Variants in SEPTIN9 observed in about 807,000 individuals in gnomAD.
SEPTIN9 encodes the protein septin 9.
A neutral mutation model predicts 56.6 loss-of-function variants in SEPTIN9; 13 were observed. That is an observed-to-expected ratio of 0.23 (90% CI 0.15 to 0.37). The LOEUF is 0.37. SEPTIN9 is among the 10% of genes least tolerant of loss of function. The probability of loss-of-function intolerance (pLI) is 1.00; values close to 1 mark genes in which losing one functional copy is unlikely to be tolerated. For synonymous variants in SEPTIN9, 332 were observed against 334.1 expected (o/e 0.99, Z 0.07); for missense variants, 650 against 823.1 (o/e 0.79, Z 2.57).
chr17:77,379,333 G>A (rs552195318), intron 2 of SEPTIN9, among the ~76,000 whole-genome samples: 1 of 151,872 alleles, frequency 6.6e-6, no homozygotes, highest in Admixed American at 6.6e-5. Context: ...TCACCACGGT[G>A]CCCGGTACAC....
chr17:77,375,974 A>G (rs536037285), intron 2 of SEPTIN9: 250 of 391,094 alleles, frequency 6.4e-4, no homozygotes, highest in African/African-American at 4.9e-3. Flanking sequence ...GGAAGGGATG[A>G]TTGAAGGAGG....
In SEPTIN9 at chr17:77,499,521, T is replaced by C. The variant is rs779610237; in HGVS notation, c.*863T>C. 25 of 466,476 alleles carry C rather than the reference T, an allele frequency of 5.4e-5. No homozygotes were observed. Among genetic ancestry groups the C allele is most frequent in the Non-Finnish European group, 3.3e-5 (8 of 240,850 alleles). The allele number at this position is 466,476 out of a possible 1,614,324, so 28.9% of individuals were successfully genotyped here. A position where few individuals can be genotyped will look rare whatever the true frequency, so the allele number is the denominator to read the frequency against. On this transcript the variant is annotated 3_prime_UTR_variant, in exon 12 of 12. Coordinates refer to ENST00000427177, the MANE Select transcript of SEPTIN9 (RefSeq NM_001113491.2). ...AAGCAAGTGAGTCTGGTGGAGGAGC[T>C]GAGGGAGGGAGCCATGGAAGGTGCC...
chr17:77,355,276 C>T (rs2034192176), intron 2 of SEPTIN9, among the ~76,000 whole-genome samples: 2 of 152,156 alleles, frequency 1.3e-5, no homozygotes, highest in South Asian at 4.1e-4. Context: ...ATGGTGTCTG[C>T]GCCGCAGCAG....
At chr17:77,417,118 T>G (rs964570756) in intron 3 of SEPTIN9, among the ~76,000 whole-genome samples, 4 of 152,182 alleles carry the variant, frequency 2.6e-5, no homozygotes, top group Admixed American at 6.5e-5. Context: ...GTCCTCAGTT[T>G]CCCCATTTAT....
intron 4 of SEPTIN9, among the ~76,000 whole-genome samples, chr17:77,486,140 G>A (rs925720669): frequency 6.6e-6 from 1 of 150,622 alleles, no homozygotes; most frequent in Admixed American, 6.6e-5. Context: ...TAAAAGACAG[G>A]GTCTCTGTCA....
intron 2 of SEPTIN9, among the ~76,000 whole-genome samples, chr17:77,324,335 TC>T (rs1567993964): frequency 6.6e-6 from 1 of 152,212 alleles, no homozygotes; most frequent in Non-Finnish European, 1.5e-5. Context: ...CCCCCTGTTG[TC>T]CCCGTGTGTC....
intron 3 of SEPTIN9, among the ~76,000 whole-genome samples, chr17:77,412,892 CTGTT>C (rs2036353966): frequency 6.6e-6 from 1 of 152,122 alleles, no homozygotes; most frequent in Non-Finnish European, 1.5e-5. Flanking sequence ...AATTCACATC[CTGTT>C]TAGAGGTCTC....
Position 77,487,882 on chromosome 17 carries a change from C to T in SEPTIN9, c.1042+330C>T, listed in dbSNP as rs547293633. 6.8e-4 allele frequency among the ~76,000 whole-genome samples: 103 copies of T among 152,282 alleles called. 2 individuals carry two copies. The highest frequency in any genetic ancestry group is 3.4e-3 in the Middle Eastern group (1 of 294). On this transcript the variant is annotated intron_variant, in intron 5 of 11. Transcript: ENST00000427177. This position sits in a 1 kb window ranked among gnomAD's most constrained non-coding sequence, Gnocchi z 4.3. Reference sequence around the variant, plus strand: ...AGCACTGGTGCGGTGTGAGGGTGCCCGAGTCAGGCAATCCCAGGTCCCCAA... The same window carrying T: ...AGCACTGGTGCGGTGTGAGGGTGCCTGAGTCAGGCAATCCCAGGTCCCCAA...
chr17:77,282,199 C>T (rs879456749), intron 1 of SEPTIN9, among the ~76,000 whole-genome samples: 1 of 152,238 alleles, frequency 6.6e-6, no homozygotes, highest in Admixed American at 6.5e-5. Flanking sequence ...ATAAGAGGCT[C>T]CCGCTCTGGC....
Position 77,326,358 on chromosome 17 carries a change from G to A in SEPTIN9, c.76+19161G>A, listed in dbSNP as rs1392685751. 1.3e-5 allele frequency among the ~76,000 whole-genome samples: 2 copies of A among 152,104 alleles called. No homozygotes were observed. The highest frequency in any genetic ancestry group is 2.9e-5 in the Non-Finnish European group (2 of 68,038). ...AAACGTGAAACACAGGAAGTGACAG[G>A]TGTGACAAAGGGGACCAGTGGCAGG... On this transcript the variant is annotated intron_variant, in intron 2 of 11. Coordinates refer to ENST00000427177, the MANE Select transcript of SEPTIN9 (RefSeq NM_001113491.2). The surrounding 1 kb of genome is among the most constrained non-coding windows in gnomAD (Gnocchi z 5.1).
intron 2 of SEPTIN9, chr17:77,373,374 C>T (rs920662169): frequency 4.1e-6 from 5 of 1,209,150 alleles, no homozygotes; most frequent in African/African-American, 3.2e-5. Context: ...GGGGCTCCTC[C>T]GGCGGCTAGC....
In SEPTIN9 at chr17:77,500,194, T is replaced by C; in HGVS notation, c.*1536T>C. Reference sequence around the variant, plus strand: ...AGTGTGAGTGTGTGTGCATGGAAGTTGGGGCACTGGGCGTCTGACTCCCTC... The same window carrying C: ...AGTGTGAGTGTGTGTGCATGGAAGTCGGGGCACTGGGCGTCTGACTCCCTC... On this transcript the variant is annotated 3_prime_UTR_variant, in exon 12 of 12. Transcript: ENST00000427177. The C allele has an allele frequency of 4.3e-6, 1 of 232,674 alleles. No homozygotes were observed. Among genetic ancestry groups the C allele is most frequent in the Non-Finnish European group, 8.5e-6 (1 of 117,478 alleles). 14.4% of individuals were successfully genotyped at this position (232,674 alleles called of 1,614,324 possible).
At chr17:77,481,965 A>G in intron 3 of SEPTIN9, 179 bp from the exon 4 acceptor site, 1 of 622,016 alleles carries the variant, frequency 1.6e-6, no homozygotes, top group Non-Finnish European at 2.8e-6. Context: ...TTTAGAGGAC[A>G]CCACGGCCAG....
At chr17:77,473,613 T>C (rs1253393976) in intron 3 of SEPTIN9, among the ~76,000 whole-genome samples, 6 of 152,218 alleles carry the variant, frequency 3.9e-5, no homozygotes, top group Non-Finnish European at 1.5e-5. Context: ...GGGAGAGTCT[T>C]TACTTTTCAC....
Position 77,490,897 on chromosome 17 carries a change from C to T in SEPTIN9, c.1380+38C>T, listed in dbSNP as rs1283145118. ...CTCTACTTGCCCCAGCCCTTCTGTG[C>T]AACCTGGAGACGCTGCAGGCCTGGC... On this transcript the variant is annotated intron_variant, in intron 8 of 11. Transcript: ENST00000427177. 7 of 1,484,494 alleles carry T rather than the reference C, an allele frequency of 4.7e-6. No homozygotes were observed. In the East Asian group the frequency reaches 1.7e-4, roughly 36 times the overall value. 92.0% of individuals were successfully genotyped at this position (1,484,494 alleles called of 1,614,324 possible).
In SEPTIN9 at chr17:77,378,178, G is replaced by A. The variant is rs529781511; in HGVS notation, c.77-23881G>A. Among the ~76,000 whole-genome samples, 5 of 152,306 alleles carry A rather than the reference G, an allele frequency of 3.3e-5. No homozygotes were observed. The South Asian group carries it at 8.3e-4, about 25-fold the overall frequency. On this transcript the variant is annotated intron_variant, in intron 2 of 11. Coordinates refer to ENST00000427177, the MANE Select transcript of SEPTIN9 (RefSeq NM_001113491.2). Reference sequence around the variant, plus strand: ...ACACCCCTGCAGTGACTGGGTGACTGCAGGCTGGAAATGCTTTCTGTGGGC... The same window carrying A: ...ACACCCCTGCAGTGACTGGGTGACTACAGGCTGGAAATGCTTTCTGTGGGC...
At position 77,498,188 on chromosome 17, in the gene SEPTIN9, G is replaced by A. The variant is rs997215049; in HGVS notation, c.1626-335G>A. ...CTGGACACCGGCCTGGAGCAACAAT[G>A]CTCCAGCCCTGTCCCTCTGAGTCTA... On this transcript the variant is annotated intron_variant, in intron 11 of 11. Coordinates refer to ENST00000427177, the MANE Select transcript of SEPTIN9 (RefSeq NM_001113491.2). Among the ~76,000 whole-genome samples, 3 of 151,846 alleles carry A rather than the reference G, an allele frequency of 2.0e-5. No homozygotes were observed. In the East Asian group the frequency reaches 5.8e-4, roughly 29 times the overall value.
intron 4 of SEPTIN9, among the ~76,000 whole-genome samples, chr17:77,486,311 C>G (rs1287144318): frequency 1.3e-5 from 2 of 151,992 alleles, no homozygotes; most frequent in Non-Finnish European, 1.5e-5. Flanking sequence ...TCTGTGTTGC[C>G]CAGGCTGGTC....
intron 2 of SEPTIN9, among the ~76,000 whole-genome samples, chr17:77,385,164 CTTTTTT>C (rs530528683): frequency 8.1e-6 from 1 of 123,502 alleles, no homozygotes; most frequent in African/African-American, 3.0e-5. Flanking sequence ...AGACCCCCAC[CTTTTTT>C]TTTTTTTTTT....
Sources: allele counts gnomAD v4.1 joint callset (sites outside exome capture counted in the v4.1 genomes callset), GRCh38; gene constraint gnomAD v4.1.1; non-coding constraint Gnocchi (gnomAD v3.1); transcripts MANE v1.5; gene names NCBI Gene and HGNC (gene_info 2026-07-23, HGNC 2026-07-21).